Variants in GTSE1 observed in about 807,000 individuals in gnomAD.
The protein encoded by GTSE1 is G2 and S phase-expressed protein 1.
GTSE1 carries 52 observed loss-of-function variants against 60.5 expected under a neutral mutation model. The ratio of observed to expected loss-of-function variants is 0.86; its 90% CI spans 0.69 to 1.08. The LOEUF (loss-of-function observed/expected upper bound fraction) is 1.08. Ranked by LOEUF, GTSE1 falls within the 50% of genes least tolerant of loss-of-function variation. The pLI, the probability that GTSE1 is intolerant of heterozygous loss-of-function variation, is 0.00. For synonymous variants in GTSE1, 368 were observed against 386.5 expected (o/e 0.95, Z 0.56); for missense variants, 937 against 961.8 (o/e 0.97, Z 0.34).
rs2147826006 is a variant in GTSE1 at position 46,318,451 on chromosome 22, G to A, written c.1432+2039G>A. On this transcript the variant is annotated intron_variant, in intron 7 of 11. Coordinates refer to ENST00000454366, the MANE Select transcript of GTSE1 (RefSeq NM_016426.7). This position sits in a 1 kb window ranked among gnomAD's most constrained non-coding sequence, Gnocchi z 4.8. ...ACAGACCTACTCTCACAGAATTTCT[G>A]TTTAATAGGAAAAGATACGAAATGT... Among the ~76,000 whole-genome samples the A allele has an allele frequency of 6.6e-6, 1 of 152,322 alleles. No individual in the cohort carries two copies. The highest frequency in any genetic ancestry group is 3.4e-3 in the Middle Eastern group (1 of 294).
intron 2 of GTSE1, among the ~76,000 whole-genome samples, chr22:46,304,000 C>T (rs1412535099): frequency 6.6e-6 from 1 of 152,066 alleles, no homozygotes; most frequent in Non-Finnish European, 1.5e-5. Context: ...GAGAAATATA[C>T]CTTTGTGGTT....
Position 46,304,519 on chromosome 22 carries a change from C to G in GTSE1, c.80-3631C>G, listed in dbSNP as rs1023805036. Reference sequence around the variant, plus strand: ...ATCATATGCCCGTTCAACATATGTGCAGACGATCATGGTTTTCTCTTTAGC... The same window carrying G: ...ATCATATGCCCGTTCAACATATGTGGAGACGATCATGGTTTTCTCTTTAGC... On this transcript the variant is annotated intron_variant, in intron 2 of 11. Coordinates refer to ENST00000454366, the MANE Select transcript of GTSE1 (RefSeq NM_016426.7). This position sits in a 1 kb window ranked among gnomAD's most constrained non-coding sequence, Gnocchi z 4.4. Among the ~76,000 whole-genome samples, 1 of 152,152 alleles carries G rather than the reference C, an allele frequency of 6.6e-6. No individual in the cohort carries two copies. The highest frequency in any genetic ancestry group is 2.4e-5 in the African/African-American group (1 of 41,432).
At position 46,312,283 on chromosome 22, in the gene GTSE1, G is replaced by A. The variant is rs148976139; in HGVS notation, c.905G>A (p.Arg302Gln). Residue 302 changes from arginine to glutamine, a missense_variant, in exon 5 of 12, where the codon CGG becomes CAG. Coordinates refer to ENST00000454366, the MANE Select transcript of GTSE1 (RefSeq NM_016426.7). ...GGAAGCCACTTGGGCCAGGGCAAGC[G>A]GGCGATCCCTGTTCCAAACAAGGTG... Reference protein sequence around the residue: ...AAGSHLGQGKRAIPVPNKLGL... With the variant: ...AAGSHLGQGKQAIPVPNKLGL... 4.2e-5 allele frequency: 68 copies of A among 1,613,178 alleles called. No homozygotes were observed. Among genetic ancestry groups the A allele is most frequent in the African/African-American group, 5.3e-5 (4 of 74,990 alleles).
At chr22:46,307,257 A>G (rs1049190738) in intron 2 of GTSE1, among the ~76,000 whole-genome samples, 1 of 152,126 alleles carries the variant, frequency 6.6e-6, no homozygotes, top group African/African-American at 2.4e-5. Context: ...TAGAGTCCCT[A>G]CTCCGTGCAT....
chr22:46,322,890 A>C (rs996376186), intron 7 of GTSE1, among the ~76,000 whole-genome samples: 2 of 152,284 alleles, frequency 1.3e-5, no homozygotes, highest in South Asian at 2.1e-4. Flanking sequence ...CTCGGCCCTG[A>C]TGGGATATAC....
chr22:46,329,436 C>T lies in GTSE1; in HGVS notation c.2005C>T (p.Leu669Phe). Residue 669 changes from leucine to phenylalanine, a missense_variant, in exon 11 of 12, where the codon CTC becomes TTC. Coordinates refer to ENST00000454366, the MANE Select transcript of GTSE1 (RefSeq NM_016426.7). This position sits in a 1 kb window ranked among gnomAD's most constrained non-coding sequence, Gnocchi z 6.4. The part of the protein sequence containing the change: ...AASQPLIDLP[L>F]IDFCDTPEAH... ...AAGCCAGCCCCTCATTGACCTTCCT[C>T]TCATCGACTTCTGCGATACCCCAGA... 3 of 1,614,214 alleles carry T rather than the reference C, an allele frequency of 1.9e-6. No individual in the cohort carries two copies. Among genetic ancestry groups the T allele is most frequent in the Non-Finnish European group, 2.5e-6 (3 of 1,180,024 alleles).
At chr22:46,311,839 CT>C (rs2077750274) in intron 4 of GTSE1, among the ~76,000 whole-genome samples, 1 of 152,196 alleles carries the variant, frequency 6.6e-6, no homozygotes, top group Non-Finnish European at 1.5e-5. Flanking sequence ...CATTATCATT[CT>C]TAAATAAGGA....
rs1202904217 is a variant in GTSE1, at chr22:46,309,849, G to A, written c.762+906G>A. ...CCCGTTTGGGATGTAGATTCCTACCGTGATGTTTCTAGAATGAGAGTGGGA... is the reference window on the plus strand; with the variant it reads ...CCCGTTTGGGATGTAGATTCCTACCATGATGTTTCTAGAATGAGAGTGGGA... On this transcript the variant is annotated intron_variant, in intron 4 of 11. Transcript: ENST00000454366. This position sits in a 1 kb window ranked among gnomAD's most constrained non-coding sequence, Gnocchi z 6.2. Among the ~76,000 whole-genome samples the A allele has an allele frequency of 6.6e-6, 1 of 152,226 alleles. No individual in the cohort carries two copies. The highest frequency in any genetic ancestry group is 1.5e-5 in the Non-Finnish European group (1 of 68,038).
chr22:46,320,751 G>T lies in GTSE1; in HGVS notation c.1433-2439G>T, dbSNP rs916210042. On this transcript the variant is annotated intron_variant, in intron 7 of 11. Transcript: ENST00000454366. This position sits in a 1 kb window ranked among gnomAD's most constrained non-coding sequence, Gnocchi z 7.1. ...GATTGAGACTTGGAATTCTGGCTGT[G>T]GGCTTTGCCTCCCCGGTACTGGGAG... is the stretch of plus-strand genomic sequence containing the variant. 5.3e-5 allele frequency among the ~76,000 whole-genome samples: 8 copies of T among 152,212 alleles called. No individual in the cohort carries two copies. Among genetic ancestry groups the T allele is most frequent in the African/African-American group, 1.9e-4 (8 of 41,456 alleles).
intron 9 of GTSE1, among the ~76,000 whole-genome samples, chr22:46,328,286 G>T (rs1030670926): frequency 6.6e-6 from 1 of 152,222 alleles, no homozygotes. Context: ...TGGGGCAGAA[G>T]GAGCCAGCTG....
At chr22:46,299,214 C>T (rs2077675235) in intron 2 of GTSE1, among the ~76,000 whole-genome samples, 1 of 152,256 alleles carries the variant, frequency 6.6e-6, no homozygotes, top group Admixed American at 6.5e-5. Flanking sequence ...TCGGGGGCTC[C>T]CCCTCTGCTG....
rs1307444480 is a variant in GTSE1 at position 46,321,069 on chromosome 22, C to T, written c.1433-2121C>T. 1.3e-5 allele frequency among the ~76,000 whole-genome samples: 2 copies of T among 151,994 alleles called. No homozygotes were observed. The highest frequency in any genetic ancestry group is 2.9e-5 in the Non-Finnish European group (2 of 67,968). ...GGAGAGAGAGGTGGGCTTGCCTCCA[C>T]ACCCGCCAGGAGTGACCAACTTGGG... On this transcript the variant is annotated intron_variant, in intron 7 of 11. Transcript: ENST00000454366. This position sits in a 1 kb window ranked among gnomAD's most constrained non-coding sequence, Gnocchi z 4.0.
chr22:46,316,015 G>T lies in GTSE1; in HGVS notation c.1052-17G>T. ...ATACTTTTATAATAATGTGATTTTT[G>T]TGTGTATACCTTCTAGCTAAATCAA... On this transcript the variant is annotated splice_polypyrimidine_tract_variant and intron_variant, in intron 6 of 11. Coordinates refer to ENST00000454366, the MANE Select transcript of GTSE1 (RefSeq NM_016426.7). The surrounding 1 kb of genome is among the most constrained non-coding windows in gnomAD (Gnocchi z 5.0). 2 of 1,477,734 alleles carry T rather than the reference G, an allele frequency of 1.4e-6. No homozygotes were observed. Among genetic ancestry groups the T allele is most frequent in the Admixed American group, 2.4e-5 (1 of 40,928 alleles). The allele number at this position is 1,477,734 out of a possible 1,614,324, so 91.5% of individuals were successfully genotyped here. A position where few individuals can be genotyped will look rare whatever the true frequency, so the allele number is the denominator to read the frequency against.
intron 7 of GTSE1, among the ~76,000 whole-genome samples, chr22:46,322,354 C>T (rs1338422183): frequency 6.6e-6 from 1 of 152,196 alleles, no homozygotes; most frequent in Non-Finnish European, 1.5e-5. Flanking sequence ...CCACCCTTCC[C>T]TCTTGGTGCT....
chr22:46,303,855 A>G (rs1243303646), intron 2 of GTSE1, among the ~76,000 whole-genome samples: 2 of 151,930 alleles, frequency 1.3e-5, no homozygotes, highest in Non-Finnish European at 2.9e-5. Context: ...ACCAGTGTGG[A>G]ATTGGTTCTT....
chr22:46,308,618 A>G lies in GTSE1; in HGVS notation c.437A>G (p.Asn146Ser). Residue 146 changes from asparagine (N) to serine (S), a missense_variant, in exon 4 of 12, where the codon AAC becomes AGC. By Grantham distance (46) the Asn-to-Ser change is conservative. Transcript: ENST00000454366. The part of the protein sequence containing the change: ...RFIQESKLKI[N>S]LFEKEKEMKK... ...ATACAGGAGTCAAAATTAAAAATAA[A>G]CCTCTTTGAGAAAGAAAAGGAAATG... 6.2e-7 allele frequency: 1 copy of G among 1,614,070 alleles called. No homozygotes were observed. The highest frequency in any genetic ancestry group is 8.5e-7 in the Non-Finnish European group (1 of 1,180,014).
chr22:46,302,471 C>T (rs2077694591), intron 2 of GTSE1, among the ~76,000 whole-genome samples: 1 of 151,176 alleles, frequency 6.6e-6, no homozygotes, highest in Non-Finnish European at 1.5e-5. Context: ...ACCTCCCAGG[C>T]TCATGCGATC....
chr22:46,299,733 A>C (rs530998934), intron 2 of GTSE1, among the ~76,000 whole-genome samples: 1 of 152,024 alleles, frequency 6.6e-6, no homozygotes, highest in African/African-American at 2.4e-5. Context: ...CACTTTCTAC[A>C]CAGTAACGTC....
chr22:46,297,683 G>T lies in GTSE1; in HGVS notation c.79+204G>T, dbSNP rs910020253. Among the ~76,000 whole-genome samples, 5 of 152,142 alleles carry T rather than the reference G, an allele frequency of 3.3e-5. No homozygotes were observed. In the South Asian group the frequency reaches 1.0e-3, roughly 31 times the overall value. On this transcript the variant is annotated intron_variant, in intron 2 of 11. Transcript: ENST00000454366. The surrounding 1 kb of genome is among the most constrained non-coding windows in gnomAD (Gnocchi z 4.9). Reference sequence around the variant, plus strand: ...TTCATCACAGCCAGGATTCTCATCCGTTTTATTTACCGCAGTGCTCCCATG... The same window carrying T: ...TTCATCACAGCCAGGATTCTCATCCTTTTTATTTACCGCAGTGCTCCCATG...
Sources: allele counts gnomAD v4.1 joint callset (sites outside exome capture counted in the v4.1 genomes callset), GRCh38; gene constraint gnomAD v4.1.1; non-coding constraint Gnocchi (gnomAD v3.1); transcripts MANE v1.5; gene names NCBI Gene and HGNC (gene_info 2026-07-23, HGNC 2026-07-21).